The following INPP4B variants were observed in gnomAD, a reference collection of about 807,000 sequenced individuals.
INPP4B encodes inositol polyphosphate 4-phosphatase type II.
A neutral mutation model predicts 122.5 loss-of-function variants in INPP4B; 55 were observed. The observed-to-expected ratio is 0.45, with a 90% CI of 0.36 to 0.56. INPP4B has a LOEUF of 0.56. Among genes scored for constraint, INPP4B ranks in the 20% least tolerant of loss-of-function variants. The pLI, the probability that INPP4B is intolerant of heterozygous loss-of-function variation, is 0.00. For missense variants in INPP4B, 1,000 were observed against 1,097.7 expected, an observed-to-expected ratio of 0.91 and a Z score of 1.26; for synonymous variants, 403 against 388.7, an observed-to-expected ratio of 1.04 and a Z score of -0.43.
intron 1 of INPP4B, among the ~76,000 whole-genome samples, chr4:142,833,180 A>T (rs148953035): frequency 2.6e-4 from 40 of 152,096 alleles, no homozygotes; most frequent in Admixed American, 2.6e-3. Flanking sequence ...GAATAGACAT[A>T]GTTTGTTTAA....
intron 3 of INPP4B, among the ~76,000 whole-genome samples, chr4:142,435,679 G>A (rs1202605013): frequency 6.6e-6 from 1 of 152,228 alleles, no homozygotes; most frequent in Admixed American, 6.5e-5. Context: ...AGAGCCATAC[G>A]GGGAGGGGAG....
chr4:142,408,041 A>T (rs1158911359), intron 5 of INPP4B, among the ~76,000 whole-genome samples: 1 of 152,216 alleles, frequency 6.6e-6, no homozygotes, highest in Non-Finnish European at 1.5e-5. Context: ...ATATTTCTTC[A>T]TAAATACCAA....
intron 5 of INPP4B, among the ~76,000 whole-genome samples, chr4:142,415,216 C>A (rs1244301273): frequency 6.6e-6 from 1 of 152,098 alleles, no homozygotes; most frequent in Non-Finnish European, 1.5e-5. Flanking sequence ...GGAGGGGCTG[C>A]TTCCCTGACC....
intron 5 of INPP4B, among the ~76,000 whole-genome samples, chr4:142,422,950 A>G (rs1456444753): frequency 6.6e-6 from 1 of 152,144 alleles, no homozygotes; most frequent in Non-Finnish European, 1.5e-5. Flanking sequence ...CTCTTATTGC[A>G]TCCTATGTGG....
intron 2 of INPP4B, among the ~76,000 whole-genome samples, chr4:142,540,603 G>A (rs1176961429): frequency 6.6e-6 from 1 of 152,102 alleles, no homozygotes; most frequent in Non-Finnish European, 1.5e-5. Context: ...AAGTCCTGAG[G>A]CAGTCTGTGT....
chr4:142,808,182 GGAGAGTA>G (rs1303975910), intron 1 of INPP4B, among the ~76,000 whole-genome samples: 1 of 152,000 alleles, frequency 6.6e-6, no homozygotes, highest in African/African-American at 2.4e-5. Flanking sequence ...TTTCTTGAGG[GGAGAGTA>G]GTTGTTCTTT....
intron 24 of INPP4B, 115 bp from the exon 25 acceptor site, chr4:142,082,300 GT>G: frequency 1.3e-6 from 1 of 775,290 alleles, no homozygotes; most frequent in Non-Finnish European, 1.9e-6. Flanking sequence ...GTTTCTGTTA[GT>G]TTATGATAGT....
At chr4:142,687,628 A>T (rs1189691457) in intron 2 of INPP4B, among the ~76,000 whole-genome samples, 1 of 149,754 alleles carries the variant, frequency 6.7e-6, no homozygotes, top group Admixed American at 6.7e-5. Context: ...AGGTAATGTG[A>T]GTTGTGCGGG....
intron 10 of INPP4B, among the ~76,000 whole-genome samples, chr4:142,265,791 T>C (rs934644080): frequency 6.6e-6 from 1 of 152,230 alleles, no homozygotes; most frequent in African/African-American, 2.4e-5. Context: ...CTCCTATTTC[T>C]GGAACAGCTC....
intron 9 of INPP4B, among the ~76,000 whole-genome samples, chr4:142,301,212 A>G (rs1761261168): frequency 6.6e-6 from 1 of 152,202 alleles, no homozygotes; most frequent in Non-Finnish European, 1.5e-5. Flanking sequence ...TGGTGCTAGC[A>G]TTACATTTAG....
intron 7 of INPP4B, among the ~76,000 whole-genome samples, chr4:142,368,543 C>T (rs1788449711): frequency 6.6e-6 from 1 of 152,004 alleles, no homozygotes; most frequent in Non-Finnish European, 1.5e-5. Context: ...TTGAGGCACA[C>T]CGAAGCTACA....
intron 1 of INPP4B, among the ~76,000 whole-genome samples, chr4:142,776,126 T>G (rs940938216): frequency 6.6e-6 from 1 of 152,152 alleles, no homozygotes; most frequent in African/African-American, 2.4e-5. Context: ...CCTGGAGACT[T>G]GCATTAATTC....
At position 142,804,826 on chromosome 4, in the gene INPP4B, C is replaced by A. The variant is rs1164526037; in HGVS notation, c.-254+41383G>T. Among the ~76,000 whole-genome samples the A allele has an allele frequency of 2.0e-5, 3 of 152,102 alleles. No homozygotes were observed. In the East Asian group the frequency reaches 5.8e-4, roughly 29 times the overall value. Reference sequence around the variant, plus strand: ...GGACTACAGGTTTGTGCCACCACGTCCAGCTAATTTCTGTATTTTTTGTAG... The same window carrying A: ...GGACTACAGGTTTGTGCCACCACGTACAGCTAATTTCTGTATTTTTTGTAG... On this transcript the variant is annotated intron_variant, in intron 1 of 25. Transcript: ENST00000262992.
chr4:142,138,258 T>A (rs1253999419), intron 18 of INPP4B, among the ~76,000 whole-genome samples: 1 of 150,996 alleles, frequency 6.6e-6, no homozygotes, highest in Non-Finnish European at 1.5e-5. Context: ...AAACTGGAAA[T>A]CATCATTCTC....
intron 9 of INPP4B, among the ~76,000 whole-genome samples, chr4:142,288,435 T>A (rs146713590): frequency 0.029 from 4,380 of 152,112 alleles, 198 homozygotes; most frequent in African/African-American, 0.1. Flanking sequence ...ATACAAAAAA[T>A]TAGCTGAGCG....
chr4:142,458,756 A>T (rs1001086404), intron 3 of INPP4B, among the ~76,000 whole-genome samples: 8 of 152,210 alleles, frequency 5.3e-5, no homozygotes, highest in African/African-American at 1.9e-4. Flanking sequence ...CACATCAATA[A>T]AAATGAGGCT....
chr4:142,284,587 C>G (rs569795121), intron 9 of INPP4B, among the ~76,000 whole-genome samples: 2 of 152,058 alleles, frequency 1.3e-5, no homozygotes, highest in Admixed American at 6.6e-5. Context: ...CTCAGTGAAA[C>G]AGAAACTATA....
intron 6 of INPP4B, among the ~76,000 whole-genome samples, chr4:142,404,045 AC>A (rs1802517206): frequency 2.2e-5 from 2 of 91,340 alleles, no homozygotes; most frequent in Non-Finnish European, 5.0e-5. Flanking sequence ...TTTTAAAATA[AC>A]AGAATTTTTA....
chr4:142,432,613 A>G (rs1202146045), intron 3 of INPP4B, among the ~76,000 whole-genome samples: 1 of 152,122 alleles, frequency 6.6e-6, no homozygotes, highest in Non-Finnish European at 1.5e-5. Context: ...CATTAAATTT[A>G]GAAGTCTTTT....
Sources: allele counts gnomAD v4.1 joint callset (sites outside exome capture counted in the v4.1 genomes callset), GRCh38; gene constraint gnomAD v4.1.1; transcripts MANE v1.5; gene names NCBI Gene and HGNC (gene_info 2026-07-23, HGNC 2026-07-21).